The following LNX1 variants were observed in gnomAD, a reference collection of about 807,000 sequenced individuals.
LNX1 encodes the protein ligand of numb-protein X 1, also known as E3 ubiquitin-protein ligase LNX.
In LNX1, 54 loss-of-function variants were observed where a neutral mutation model predicts 68.4. The observed-to-expected ratio is 0.79, with a 90% CI of 0.63 to 0.99. The LOEUF (loss-of-function observed/expected upper bound fraction) is 0.99, where lower values mean the gene tolerates loss of function less well. LNX1 is among the 50% of genes least tolerant of loss of function. The pLI is 0.00. For missense variants in LNX1, 906 were observed against 926.4 expected, an observed-to-expected ratio of 0.98 and a Z score of 0.29; for synonymous variants, 336 against 350.0, an observed-to-expected ratio of 0.96 and a Z score of 0.45.
intron 1 of LNX1, among the ~76,000 whole-genome samples, chr4:53,584,921 T>C (rs996774355): frequency 5.9e-5 from 9 of 152,198 alleles, no homozygotes; most frequent in Non-Finnish European, 1.2e-4. Context: ...ACTCAAAACA[T>C]GACACACACA....
chr4:53,564,956 C>T (rs182841450), intron 2 of LNX1, among the ~76,000 whole-genome samples: 1,586 of 152,310 alleles, frequency 0.01, 40 homozygotes, highest in African/African-American at 0.035. Context: ...TAAAAAATGG[C>T]GCACCACGAG....
chr4:53,595,748 C>T (rs1732723368), upstream of LNX1, among the ~76,000 whole-genome samples: 1 of 152,128 alleles, frequency 6.6e-6, no homozygotes, highest in Non-Finnish European at 1.5e-5. Context: ...GTCTTCAAAG[C>T]TCTTTTCTTG....
At chr4:53,529,894 A>G (rs904200778) in intron 2 of LNX1, among the ~76,000 whole-genome samples, 1 of 152,194 alleles carries the variant, frequency 6.6e-6, no homozygotes, top group African/African-American at 2.4e-5. Flanking sequence ...CTCTATTCCA[A>G]GACATGTACA....
intron 2 of LNX1, among the ~76,000 whole-genome samples, chr4:53,568,343 T>C (rs1372186390): frequency 2.0e-5 from 3 of 151,684 alleles, no homozygotes; most frequent in East Asian, 3.9e-4. Flanking sequence ...TGGTTCAATA[T>C]ACGCAAATCA....
chr4:53,517,761 C>T (rs960386666), intron 2 of LNX1, among the ~76,000 whole-genome samples: 1 of 149,250 alleles, frequency 6.7e-6, no homozygotes, highest in Admixed American at 6.7e-5. Flanking sequence ...GCTCACATAG[C>T]TACCAGAAAC....
chr4:53,461,717 C>T, intron 9 of LNX1, 124 bp from the exon 10 acceptor site: 3 of 643,904 alleles, frequency 4.7e-6, no homozygotes, highest in Non-Finnish European at 5.1e-6. Flanking sequence ...CTGCATAGGT[C>T]CCACTCAAAA....
At chr4:53,632,582 G>A (rs1182038062) in intron 1 of LNX1, among the ~76,000 whole-genome samples, 2 of 152,200 alleles carry the variant, frequency 1.3e-5, no homozygotes, top group Non-Finnish European at 2.9e-5. Flanking sequence ...TCAGGCTAAA[G>A]CTAGGTAGTT....
At chr4:53,549,267 A>G (rs1037879166) in intron 2 of LNX1, 43 of 152,184 alleles carry the variant, frequency 2.8e-4, no homozygotes, top group African/African-American at 9.7e-4. Flanking sequence ...CATAGACTTC[A>G]ATGCTCAATG....
intron 2 of LNX1, among the ~76,000 whole-genome samples, chr4:53,608,725 G>T (rs185787850): frequency 1.3e-5 from 2 of 151,992 alleles, no homozygotes; most frequent in African/African-American, 4.8e-5. Flanking sequence ...GCCCATCAAC[G>T]GTAGAATGGA....
chr4:53,461,894 G>T (rs1722162166), intron 9 of LNX1, among the ~76,000 whole-genome samples: 1 of 152,056 alleles, frequency 6.6e-6, no homozygotes, highest in Non-Finnish European at 1.5e-5. Context: ...GCTTGAATAT[G>T]TATTAGCAAA....
intron 4 of LNX1, chr4:53,499,967 C>T (rs1725357338): frequency 6.6e-6 from 1 of 152,254 alleles, no homozygotes; most frequent in South Asian, 2.1e-4. Context: ...GCTCTCTTCT[C>T]ATCTTTCATC....
intron 2 of LNX1, among the ~76,000 whole-genome samples, chr4:53,550,026 G>T (rs924325539): frequency 1.3e-5 from 2 of 152,172 alleles, no homozygotes; most frequent in African/African-American, 4.8e-5. Flanking sequence ...CTTGGAACTG[G>T]AGTGGCTTTA....
intron 2 of LNX1, among the ~76,000 whole-genome samples, chr4:53,538,287 C>T (rs1199563128): frequency 6.6e-6 from 1 of 152,170 alleles, no homozygotes; most frequent in East Asian, 1.9e-4. Context: ...AACAGTTGGG[C>T]AAGACCCTCT....
chr4:53,464,887 T>C (rs774351314), intron 9 of LNX1, among the ~76,000 whole-genome samples: 1 of 152,130 alleles, frequency 6.6e-6, no homozygotes, highest in South Asian at 2.1e-4. Context: ...ATTTAAATTA[T>C]CTCTCAGTGA....
chr4:53,507,220 G>T (rs1725956150), intron 4 of LNX1, 97 bp downstream of exon 4: 2 of 1,275,428 alleles, frequency 1.6e-6, no homozygotes, highest in Non-Finnish European at 2.2e-6. Flanking sequence ...GGAAGAGAGG[G>T]GTCACAGAAG....
chr4:53,543,017 C>A (rs1577687001), intron 2 of LNX1, among the ~76,000 whole-genome samples: 3 of 152,252 alleles, frequency 2.0e-5, no homozygotes, highest in South Asian at 4.1e-4. Flanking sequence ...GTCAGATTGT[C>A]CTGTCTGCTA....
At chr4:53,633,466 A>G (rs939666504) in intron 1 of LNX1, among the ~76,000 whole-genome samples, 13 of 152,206 alleles carry the variant, frequency 8.5e-5, no homozygotes, top group Non-Finnish European at 1.5e-4. Context: ...ATGATAAACT[A>G]AGAAAAATGC....
chr4:53,545,829 A>G (rs1729077214), intron 2 of LNX1, among the ~76,000 whole-genome samples: 1 of 126,630 alleles, frequency 7.9e-6, no homozygotes, highest in African/African-American at 3.0e-5. Context: ...TTTTTTTGAG[A>G]CAGGGTCTTA....
chr4:53,599,249 CTT>C (rs1440254362), intron 2 of LNX1, among the ~76,000 whole-genome samples: 2 of 152,154 alleles, frequency 1.3e-5, no homozygotes, highest in Non-Finnish European at 2.9e-5. Flanking sequence ...GTCAGAAAGA[CTT>C]TGCTGATAAA....
Sources: gnomAD v4.1 joint callset for allele counts (sites outside exome capture counted in the v4.1 genomes callset) on GRCh38, gnomAD v4.1.1 for gene constraint, MANE v1.5 for transcripts, NCBI Gene and HGNC (gene_info 2026-07-23, HGNC 2026-07-21) for gene names.